The following TPST2 variants were observed in gnomAD, a reference collection of about 807,000 sequenced individuals.
TPST2 encodes tyrosylprotein sulfotransferase 2.
A neutral mutation model predicts 27.8 loss-of-function variants in TPST2; 16 were observed. That is an observed-to-expected ratio of 0.58 (90% CI 0.39 to 0.88). TPST2 has a LOEUF of 0.88. Ranked by LOEUF, TPST2 falls within the 40% of genes least tolerant of loss-of-function variation. The pLI is 0.00. For missense variants in TPST2, 464 were observed against 543.1 expected, an observed-to-expected ratio of 0.85 and a Z score of 1.45; for synonymous variants, 229 against 231.7, an observed-to-expected ratio of 0.99 and a Z score of 0.10.
At chr22:26,528,853 G>GCACCTGTAAT (rs2147171128) in intron 5 of TPST2, among the ~76,000 whole-genome samples, 1 of 152,132 alleles carries the variant, frequency 6.6e-6, no homozygotes, top group South Asian at 2.1e-4. Flanking sequence ...GTGGTGGCGG[G>GCACCTGTAAT]CACCTGTAAT....
chr22:26,533,686 T>C (rs900289471), intron 4 of TPST2, among the ~76,000 whole-genome samples: 4 of 152,134 alleles, frequency 2.6e-5, no homozygotes, highest in Non-Finnish European at 5.9e-5. Flanking sequence ...TTTTTTTTTT[T>C]CTATTGAGAC....
Position 26,568,506 on chromosome 22 carries a change from C to T in TPST2, c.-161+21547G>A, listed in dbSNP as rs979185620. Among the ~76,000 whole-genome samples, 7 of 152,268 alleles carry T rather than the reference C, an allele frequency of 4.6e-5. 1 individual carries two copies. The South Asian group carries it at 1.2e-3, about 27-fold the overall frequency. ...ATAAAACATGATGCAATAAAGAAGC[C>T]GGACAAAACCGCCAAAACCAAGATG... On this transcript the variant is annotated intron_variant, in intron 1 of 6. Transcript: ENST00000338754.
chr22:26,536,739 C>A (rs1168111169), intron 3 of TPST2, among the ~76,000 whole-genome samples: 3 of 152,190 alleles, frequency 2.0e-5, no homozygotes, highest in Admixed American at 2.0e-4. Context: ...TACATACATT[C>A]TGCTTTCTTC....
intron 1 of TPST2, among the ~76,000 whole-genome samples, chr22:26,579,595 C>T (rs918037893): frequency 2.0e-5 from 3 of 152,222 alleles, no homozygotes; most frequent in African/African-American, 7.2e-5. Context: ...GCTGAGCCCC[C>T]GGGCTCTGCA....
chr22:26,567,334 G>C (rs991280727), intron 1 of TPST2, among the ~76,000 whole-genome samples: 2 of 152,194 alleles, frequency 1.3e-5, no homozygotes, highest in Admixed American at 6.5e-5. Context: ...GTAGGAAATG[G>C]GCCTTGCTCA....
At chr22:26,544,170 A>G (rs942066793) in intron 2 of TPST2, among the ~76,000 whole-genome samples, 4 of 152,220 alleles carry the variant, frequency 2.6e-5, no homozygotes, top group African/African-American at 9.7e-5. Context: ...CCAAAAAAGG[A>G]ATAATAATAC....
At chr22:26,553,923 C>T (rs1303454605) in intron 1 of TPST2, among the ~76,000 whole-genome samples, 1 of 152,136 alleles carries the variant, frequency 6.6e-6, no homozygotes, top group East Asian at 1.9e-4. Flanking sequence ...AGTACAGATG[C>T]AACCACCCAT....
chr22:26,533,733 G>T (rs1179571367), intron 4 of TPST2, among the ~76,000 whole-genome samples: 1 of 151,830 alleles, frequency 6.6e-6, no homozygotes, highest in East Asian at 1.9e-4. Flanking sequence ...GGAGTGCAGT[G>T]GTGCGATCAC....
chr22:26,537,944 G>A (rs1168017426), intron 3 of TPST2, among the ~76,000 whole-genome samples: 1 of 152,042 alleles, frequency 6.6e-6, no homozygotes, highest in East Asian at 1.9e-4. Context: ...CCATTCCCCT[G>A]AAGACAGACA....
At chr22:26,532,778 G>A (rs756999291) in intron 4 of TPST2, 33 bp from the exon 5 acceptor site, 2 of 1,602,804 alleles carry the variant, frequency 1.2e-6, no homozygotes, top group Non-Finnish European at 1.7e-6. Context: ...TCACTATTAT[G>A]AAAATGGCCA....
At position 26,528,214 on chromosome 22, in the gene TPST2, C is replaced by T; in HGVS notation, c.*7G>A. On this transcript the variant is annotated splice_region_variant and 3_prime_UTR_variant, in exon 6 of 7. Transcript: ENST00000338754. ...CCCCCAGTGAAGTCCACAGGCTTAC[C>T]TGGAAATCACGAGCTTCCTAAGTGG... 6.4e-7 allele frequency: 1 copy of T among 1,561,304 alleles called. No homozygotes were observed. The highest frequency in any genetic ancestry group is 1.2e-5 in the South Asian group (1 of 84,962).
chr22:26,549,894 C>T (rs1389769536), intron 1 of TPST2, among the ~76,000 whole-genome samples: 1 of 147,974 alleles, frequency 6.8e-6, no homozygotes, highest in Non-Finnish European at 1.5e-5. Context: ...AAAAATTAGC[C>T]GGGTGTGGGG....
rs543539779 is a variant in TPST2 at position 26,524,044 on chromosome 22, A to G, written c.*2231T>C. ...GCTGTCGCCAGATTCTCAAAGGGAC[A>G]GTGTCACACTTAACAGAGCAAGGAG... On this transcript the variant is annotated 3_prime_UTR_variant, in exon 7 of 7. Transcript: ENST00000338754. The G allele has an allele frequency of 2.0e-5, 3 of 152,332 alleles. 1 individual carries two copies. The East Asian group carries it at 5.8e-4, about 29-fold the overall frequency. 9.4% of individuals were successfully genotyped at this position (152,332 alleles called of 1,614,324 possible).
At chr22:26,540,569 G>C (rs912890898) in intron 3 of TPST2, among the ~76,000 whole-genome samples, 6 of 152,196 alleles carry the variant, frequency 3.9e-5, no homozygotes, top group Admixed American at 3.9e-4. Flanking sequence ...CCGAGACACT[G>C]CCTCAAAAAA....
intron 1 of TPST2, among the ~76,000 whole-genome samples, chr22:26,561,886 C>T (rs1400057683): frequency 6.6e-6 from 1 of 152,220 alleles, no homozygotes; most frequent in East Asian, 1.9e-4. Context: ...TACCCACCTA[C>T]AGGGAACATC....
intron 2 of TPST2, among the ~76,000 whole-genome samples, chr22:26,542,240 T>TTA (rs772127642): frequency 1.6e-4 from 19 of 115,976 alleles, no homozygotes; most frequent in Non-Finnish European, 2.9e-4. Flanking sequence ...AGACTCCGTC[T>TTA]AAAAAAAAAA....
At chr22:26,567,007 C>T (rs947486095) in intron 1 of TPST2, among the ~76,000 whole-genome samples, 1 of 152,216 alleles carries the variant, frequency 6.6e-6, no homozygotes, top group African/African-American at 2.4e-5. Flanking sequence ...GTAGCATCCC[C>T]TCCCTGAGTC....
chr22:26,553,522 G>A (rs1270600509), intron 1 of TPST2, among the ~76,000 whole-genome samples: 1 of 144,534 alleles, frequency 6.9e-6, no homozygotes, highest in South Asian at 2.3e-4. Flanking sequence ...ACAGGCAAGT[G>A]CCACCATGCC....
intron 5 of TPST2, among the ~76,000 whole-genome samples, chr22:26,529,667 C>T (rs542478250): frequency 6.6e-6 from 1 of 152,322 alleles, no homozygotes; most frequent in Admixed American, 6.5e-5. Flanking sequence ...CATGGATGTT[C>T]TGTGACCCAT....
Sources: gnomAD v4.1 joint callset for allele counts (sites outside exome capture counted in the v4.1 genomes callset) on GRCh38, gnomAD v4.1.1 for gene constraint, MANE v1.5 for transcripts, NCBI Gene and HGNC (gene_info 2026-07-23, HGNC 2026-07-21) for gene names.